The following UBXN7 variants were observed in gnomAD, a reference collection of about 807,000 sequenced individuals.
UBXN7 encodes the protein UBX domain-containing protein 7.
A neutral mutation model predicts 58.0 loss-of-function variants in UBXN7; 9 were observed. The observed-to-expected ratio is 0.16, with a 90% CI of 0.09 to 0.27. UBXN7 has a LOEUF of 0.27. UBXN7 is among the 10% of genes least tolerant of loss of function. The pLI, the probability that UBXN7 is intolerant of heterozygous loss-of-function variation, is 1.00. For synonymous variants in UBXN7, 208 were observed against 205.0 expected (o/e 1.01, Z -0.12); for missense variants, 328 against 599.6 (o/e 0.55, Z 4.73).
At chr3:196,417,174 G>T (rs555061529) in intron 1 of UBXN7, among the ~76,000 whole-genome samples, 2 of 152,108 alleles carry the variant, frequency 1.3e-5, no homozygotes, top group African/African-American at 4.8e-5. Flanking sequence ...TTAGCCGGGC[G>T]TGGTGGCGGG....
At chr3:196,432,084 G>C (rs1056029522) in intron 1 of UBXN7, 1 of 629,346 alleles carries the variant, frequency 1.6e-6, no homozygotes, top group Admixed American at 2.5e-5. Flanking sequence ...GCTGGCGGGG[G>C]GTTGGGGGAT....
At position 196,380,863 on chromosome 3, in the gene UBXN7, G is replaced by A. The variant is rs188941372; in HGVS notation, c.469-8821C>T. 3.0e-4 allele frequency among the ~76,000 whole-genome samples: 46 copies of A among 152,376 alleles called. 1 individual carries two copies. In the East Asian group the frequency reaches 7.7e-3, roughly 26 times the overall value. On this transcript the variant is annotated intron_variant, in intron 5 of 10. Coordinates refer to ENST00000296328, the MANE Select transcript of UBXN7 (RefSeq NM_015562.2). ...TGGCTTGGCAGGTCCCACGCCCATG[G>A]AGCCTTGCTCACTGCCAGCGCAGCA...
chr3:196,386,108 G>A (rs992264365), intron 5 of UBXN7, among the ~76,000 whole-genome samples: 1 of 152,010 alleles, frequency 6.6e-6, no homozygotes, highest in Non-Finnish European at 1.5e-5. Flanking sequence ...AACATGTGCT[G>A]TGTCCACTAA....
Position 196,380,187 on chromosome 3 carries a change from G to A in UBXN7, c.469-8145C>T, listed in dbSNP as rs140087719. 1.5e-4 allele frequency among the ~76,000 whole-genome samples: 23 copies of A among 151,628 alleles called. No homozygotes were observed. In the East Asian group the frequency reaches 4.1e-3, roughly 27 times the overall value. The stretch of plus-strand genomic sequence containing the variant: ...ATGGAGTGAACCTAGGAGGTGGAGC[G>A]TGCAGTGAGGCAAGATAGCGCCACT... On this transcript the variant is annotated intron_variant, in intron 5 of 10. Coordinates refer to ENST00000296328, the MANE Select transcript of UBXN7 (RefSeq NM_015562.2).
At chr3:196,403,198 T>A (rs1730047631) in intron 2 of UBXN7, among the ~76,000 whole-genome samples, 179 bp from the exon 3 acceptor site, 2 of 152,170 alleles carry the variant, frequency 1.3e-5, no homozygotes, top group Non-Finnish European at 2.9e-5. Context: ...CACTCTGTCG[T>A]CCAGGCTGGA....
chr3:196,363,832 G>A (rs1340641112), intron 8 of UBXN7, among the ~76,000 whole-genome samples: 9 of 151,918 alleles, frequency 5.9e-5, no homozygotes, highest in Non-Finnish European at 1.2e-4. Context: ...AGGAGGCTGA[G>A]GCAGGAAAAT....
chr3:196,407,480 T>A, intron 1 of UBXN7, 87 bp from the exon 2 acceptor site: 1 of 1,474,060 alleles, frequency 6.8e-7, no homozygotes, highest in Non-Finnish European at 9.0e-7. Flanking sequence ...AATTCCCAAG[T>A]AAATTAATAG....
intron 5 of UBXN7, among the ~76,000 whole-genome samples, chr3:196,376,542 T>C (rs1433118955): frequency 4.5e-5 from 3 of 67,054 alleles, no homozygotes; most frequent in Non-Finnish European, 8.4e-5. Context: ...CGAGACTCTG[T>C]CTCAAAAAAA....
At chr3:196,366,087 A>G (rs1386098887) in intron 8 of UBXN7, among the ~76,000 whole-genome samples, 3 of 152,328 alleles carry the variant, frequency 2.0e-5, no homozygotes, top group Non-Finnish European at 2.9e-5. Context: ...ATCAAGCAGG[A>G]GAACTGCTTG....
intron 1 of UBXN7, among the ~76,000 whole-genome samples, chr3:196,426,203 A>G (rs1485272349): frequency 6.6e-6 from 1 of 151,652 alleles, no homozygotes; most frequent in Non-Finnish European, 1.5e-5. Context: ...CGCCAACAAG[A>G]TGAAACCCCA....
chr3:196,401,298 T>TATATACACAC (rs1269101481), intron 3 of UBXN7, among the ~76,000 whole-genome samples: 12 of 61,686 alleles, frequency 1.9e-4, no homozygotes, highest in African/African-American at 8.6e-4. Flanking sequence ...TATATATATA[T>TATATACACAC]ACACACACAC....
intron 1 of UBXN7, among the ~76,000 whole-genome samples, chr3:196,418,994 G>A (rs562457835): frequency 5.3e-5 from 8 of 152,306 alleles, no homozygotes; most frequent in African/African-American, 1.4e-4. Context: ...GGTCGAGCGC[G>A]GTGGCTCACG....
At chr3:196,406,036 GTT>G (rs1211429885) in intron 2 of UBXN7, among the ~76,000 whole-genome samples, 11 of 146,354 alleles carry the variant, frequency 7.5e-5, no homozygotes, top group Non-Finnish European at 1.7e-4. Context: ...TTTGTTTTTT[GTT>G]TTTTTTTTGA....
At chr3:196,427,460 G>A (rs1401926234) in intron 1 of UBXN7, among the ~76,000 whole-genome samples, 1 of 152,082 alleles carries the variant, frequency 6.6e-6, no homozygotes, top group African/African-American at 2.4e-5. Context: ...TGGGACTACA[G>A]GCGTGCACCA....
intron 1 of UBXN7, among the ~76,000 whole-genome samples, chr3:196,412,579 T>C (rs757538710): frequency 2.6e-5 from 4 of 152,182 alleles, no homozygotes; most frequent in Non-Finnish European, 4.4e-5. Flanking sequence ...TCTGGAGATA[T>C]ACCCAGAGAA....
At chr3:196,416,213 G>A (rs1469276937) in intron 1 of UBXN7, 2 of 152,238 alleles carry the variant, frequency 1.3e-5, no homozygotes, top group African/African-American at 2.4e-5. Flanking sequence ...TGAGCGGGGG[G>A]CGGATCACCT....
At chr3:196,394,009 C>A (rs1729666566) in intron 3 of UBXN7, among the ~76,000 whole-genome samples, 1 of 152,168 alleles carries the variant, frequency 6.6e-6, no homozygotes. Context: ...TTACTATCGG[C>A]TGGGCATGGT....
Position 196,369,328 on chromosome 3 carries a change from G to A in UBXN7, c.706+93C>T, listed in dbSNP as rs891806448. The A allele has an allele frequency of 2.8e-5, 30 of 1,056,390 alleles. No individual in the cohort carries two copies. In the African/African-American group the frequency reaches 4.7e-4, roughly 17 times the overall value. The allele number at this position is 1,056,390 out of a possible 1,614,324, so 65.4% of individuals were successfully genotyped here. A position where few individuals can be genotyped will look rare whatever the true frequency, so the allele number is the denominator to read the frequency against. On this transcript the variant is annotated intron_variant, in intron 7 of 10. Transcript: ENST00000296328. The stretch of plus-strand genomic sequence containing the variant: ...CCTTCACCTAAATTACTGCAATTCT[G>A]AAAACAGATCCAGTCAAATATTAAA...
intron 4 of UBXN7, among the ~76,000 whole-genome samples, 177 bp from the exon 5 acceptor site, chr3:196,392,102 G>T (rs1560231379): frequency 6.6e-6 from 1 of 151,646 alleles, no homozygotes. Flanking sequence ...GAGATAAGAG[G>T]AATCTTAAGA....
Sources: allele counts gnomAD v4.1 joint callset (sites outside exome capture counted in the v4.1 genomes callset), GRCh38; gene constraint gnomAD v4.1.1; transcripts MANE v1.5; gene names NCBI Gene and HGNC (gene_info 2026-07-23, HGNC 2026-07-21).